WNT3: variants seen among roughly 807,000 people sequenced by gnomAD.
WNT3 encodes the protein proto-oncogene Wnt-3.
In WNT3, 7 loss-of-function variants were observed where a neutral mutation model predicts 34.2. The ratio of observed to expected loss-of-function variants is 0.20; its 90% confidence interval spans 0.12 to 0.38. The LOEUF is 0.38. Ranked by LOEUF, WNT3 falls within the 10% of genes least tolerant of loss-of-function variation. The pLI is 1.00. For synonymous variants in WNT3, 212 were observed against 211.5 expected (o/e 1.00, Z -0.02); for missense variants, 267 against 499.8 (o/e 0.53, Z 4.44).
intron 2 of WNT3, among the ~76,000 whole-genome samples, chr17:46,770,401 C>T (rs1352215373): frequency 1.3e-5 from 2 of 152,228 alleles, no homozygotes; most frequent in Non-Finnish European, 2.9e-5. Context: ...ACACCCCCTG[C>T]CCTCCACCTT....
chr17:46,802,692 G>GC (rs2084141532), intron 1 of WNT3, among the ~76,000 whole-genome samples: 1 of 152,154 alleles, frequency 6.6e-6, no homozygotes, highest in Non-Finnish European at 1.5e-5. Context: ...ATGGAATGAA[G>GC]CCCCCATACA....
chr17:46,796,981 A>G (rs573627630), intron 1 of WNT3, among the ~76,000 whole-genome samples: 232 of 152,340 alleles, frequency 1.5e-3, no homozygotes, highest in Non-Finnish European at 2.5e-3. Flanking sequence ...AATAGGCAGG[A>G]GAATCTTCTC....
rs562630590 is a variant in WNT3, at chr17:46,788,152, A to G, written c.81-14243T>C. Among the ~76,000 whole-genome samples, 3 of 152,262 alleles carry G rather than the reference A, an allele frequency of 2.0e-5. No individual in the cohort carries two copies. In the South Asian group the frequency reaches 6.2e-4, roughly 32 times the overall value. ...ACATTCGAGCTGGGCCTTGAAGTTGAGCTCAGCTTGGCCAGCTTTTCCTCC... is the reference window on the plus strand; with the variant it reads ...ACATTCGAGCTGGGCCTTGAAGTTGGGCTCAGCTTGGCCAGCTTTTCCTCC... On this transcript the variant is annotated intron_variant, in intron 1 of 4. Transcript: ENST00000225512.
At chr17:46,773,619 T>TCCCGG in intron 2 of WNT3, 49 bp downstream of exon 2, 1 of 549,848 alleles carries the variant, frequency 1.8e-6, no homozygotes, top group Non-Finnish European at 3.2e-6. Flanking sequence ...ACAGTCCTGA[T>TCCCGG]CCCTCCCCCC....
At position 46,762,953 on chromosome 17, in the gene WNT3, T is replaced by C. The variant is rs1409716832; in HGVS notation, c.*1677A>G. On this transcript the variant is annotated 3_prime_UTR_variant, in exon 5 of 5. Transcript: ENST00000225512. ...CTCACATAAAGCAAGTATTATCCAG[T>C]TGACATGATTTAAAACTTTTCAGTC... 1.3e-5 allele frequency: 2 copies of C among 152,246 alleles called. No individual in the cohort carries two copies. Among genetic ancestry groups the C allele is most frequent in the Non-Finnish European group, 1.5e-5 (1 of 68,050 alleles). The allele number at this position is 152,246 out of a possible 1,614,324, so 9.4% of individuals were successfully genotyped here.
chr17:46,808,775 G>A (rs2084230631), intron 1 of WNT3, among the ~76,000 whole-genome samples: 1 of 152,048 alleles, frequency 6.6e-6, no homozygotes, highest in African/African-American at 2.4e-5. Flanking sequence ...TACACAAATA[G>A]GAAACGTTTA....
At chr17:46,786,759 T>C (rs1801408675) in intron 1 of WNT3, among the ~76,000 whole-genome samples, 2 of 152,144 alleles carry the variant, frequency 1.3e-5, no homozygotes, top group African/African-American at 4.8e-5. Context: ...GGTCACAGCA[T>C]TTCTGCCCAT....
chr17:46,812,985 C>T (rs548287789), intron 1 of WNT3, among the ~76,000 whole-genome samples: 2 of 152,116 alleles, frequency 1.3e-5, no homozygotes, highest in South Asian at 2.1e-4. Flanking sequence ...CCCTAGTTAC[C>T]CAGGTAGTAC....
chr17:46,804,877 T>C (rs1271924017), intron 1 of WNT3, among the ~76,000 whole-genome samples: 1 of 152,054 alleles, frequency 6.6e-6, no homozygotes, highest in Non-Finnish European at 1.5e-5. Context: ...CAGCAGGACA[T>C]GGGCTGGGAC....
intron 1 of WNT3, among the ~76,000 whole-genome samples, chr17:46,804,473 A>G (rs2084166603): frequency 6.6e-6 from 1 of 152,018 alleles, no homozygotes; most frequent in Admixed American, 6.5e-5. Context: ...TCCCTGCCCT[A>G]TGGGGAAGGG....
At chr17:46,794,528 C>A (rs897673168) in intron 1 of WNT3, among the ~76,000 whole-genome samples, 2 of 152,172 alleles carry the variant, frequency 1.3e-5, no homozygotes, top group African/African-American at 4.8e-5. Flanking sequence ...CTGAGAAGGG[C>A]TCTTCAAGGC....
intron 1 of WNT3, among the ~76,000 whole-genome samples, chr17:46,818,165 A>G (rs965314689): frequency 1.3e-5 from 2 of 152,070 alleles, no homozygotes; most frequent in African/African-American, 4.8e-5. Context: ...GGCCCCAGGG[A>G]CAGTGCTGGA....
At chr17:46,785,149 C>T (rs1020566826) in intron 1 of WNT3, among the ~76,000 whole-genome samples, 1 of 152,226 alleles carries the variant, frequency 6.6e-6, no homozygotes, top group Non-Finnish European at 1.5e-5. Flanking sequence ...GGACCCCTCT[C>T]TGACCACACA....
chr17:46,780,095 T>C (rs2059447582), intron 1 of WNT3, among the ~76,000 whole-genome samples: 2 of 152,208 alleles, frequency 1.3e-5, no homozygotes, highest in African/African-American at 4.8e-5. Flanking sequence ...AATCAGTGAA[T>C]TCAGGTCAGC....
chr17:46,796,058 C>G (rs968610829), intron 1 of WNT3, among the ~76,000 whole-genome samples: 2 of 152,190 alleles, frequency 1.3e-5, no homozygotes, highest in Non-Finnish European at 2.9e-5. Context: ...CTGTCCCATC[C>G]GCAGGTGGTA....
intron 1 of WNT3, among the ~76,000 whole-genome samples, chr17:46,774,708 T>C (rs1217891629): frequency 2.0e-5 from 3 of 152,178 alleles, no homozygotes; most frequent in Admixed American, 6.5e-5. Flanking sequence ...CTCTCTCAGG[T>C]TTTATAGTCA....
At chr17:46,792,393 T>C (rs2083999109) in intron 1 of WNT3, among the ~76,000 whole-genome samples, 2 of 152,168 alleles carry the variant, frequency 1.3e-5, no homozygotes, top group Admixed American at 1.3e-4. Context: ...GCTAATAAGG[T>C]AGTGAAGAAC....
chr17:46,803,638 G>C (rs368638091), intron 1 of WNT3, among the ~76,000 whole-genome samples: 35 of 152,364 alleles, frequency 2.3e-4, no homozygotes, highest in East Asian at 7.7e-4. Flanking sequence ...CTAGACAATG[G>C]TGACATGGGA....
chr17:46,794,582 G>A (rs1366765145), intron 1 of WNT3, among the ~76,000 whole-genome samples: 1 of 152,076 alleles, frequency 6.6e-6, no homozygotes, highest in Admixed American at 6.5e-5. Flanking sequence ...ACCGTGGAGA[G>A]GATAAAAATC....
Sources: gnomAD v4.1 joint callset for allele counts (sites outside exome capture counted in the v4.1 genomes callset) on GRCh38, gnomAD v4.1.1 for gene constraint, MANE v1.5 for transcripts, NCBI Gene and HGNC (gene_info 2026-07-23, HGNC 2026-07-21) for gene names.